Variants in PGCKA1 observed in about 807,000 individuals in gnomAD.
The protein encoded by PGCKA1 is PDCD10 and GCKIII kinases associated 1.
chr4:37,489,615 T>G, the PGCKA1 span, among the ~76,000 whole-genome samples: 2 of 152,208 alleles, frequency 1.3e-5, no homozygotes, highest in Non-Finnish European at 2.9e-5. Flanking sequence ...TGGGTGACTC[T>G]GAGGTATGGT....
At chr4:37,462,957 A>C in the PGCKA1 span, among the ~76,000 whole-genome samples, 1 of 133,762 alleles carries the variant, frequency 7.5e-6, no homozygotes, top group East Asian at 2.2e-4. Context: ...AGCGAGACTC[A>C]GTATCAAAAA....
the PGCKA1 span, among the ~76,000 whole-genome samples, chr4:37,467,364 G>A: frequency 1.3e-5 from 2 of 152,196 alleles, no homozygotes; most frequent in Admixed American, 1.3e-4. Context: ...TGACATTTCT[G>A]TACTCGAGTT....
chr4:37,477,261 G>A, the PGCKA1 span, among the ~76,000 whole-genome samples: 3 of 152,082 alleles, frequency 2.0e-5, no homozygotes, highest in Admixed American at 2.0e-4. Flanking sequence ...AATGAACCTT[G>A]GAAACATCAT....
At chr4:37,468,749 C>CAA in the PGCKA1 span, among the ~76,000 whole-genome samples, 1 of 152,072 alleles carries the variant, frequency 6.6e-6, no homozygotes, top group Non-Finnish European at 1.5e-5. Context: ...TATACCCCCC[C>CAA]ACACACATAT....
chr4:37,564,181 G>C, the PGCKA1 span, among the ~76,000 whole-genome samples: 1 of 151,224 alleles, frequency 6.6e-6, no homozygotes, highest in African/African-American at 2.4e-5. Context: ...GGCTGAGGCA[G>C]GAGAATCACT....
chr4:37,466,826 G>T, the PGCKA1 span, among the ~76,000 whole-genome samples: 1 of 152,180 alleles, frequency 6.6e-6, no homozygotes, highest in Non-Finnish European at 1.5e-5. Context: ...GGCCAAGCAC[G>T]CTGGCTTATA....
chr4:37,555,885 G>A, the PGCKA1 span, among the ~76,000 whole-genome samples: 68 of 152,158 alleles, frequency 4.5e-4, no homozygotes, highest in South Asian at 5.0e-3. Flanking sequence ...ACTCCCTAGG[G>A]TGACTCTTAA....
chr4:37,483,934 T>G, the PGCKA1 span, among the ~76,000 whole-genome samples: 1 of 152,222 alleles, frequency 6.6e-6, no homozygotes, highest in African/African-American at 2.4e-5. Flanking sequence ...ATTTGACTTT[T>G]CTCTGTTTCT....
the PGCKA1 span, among the ~76,000 whole-genome samples, chr4:37,535,302 G>A: frequency 6.6e-6 from 1 of 152,228 alleles, no homozygotes; most frequent in Non-Finnish European, 1.5e-5. Flanking sequence ...CGGGAGGATT[G>A]CTTTAAAGCA....
At chr4:37,526,927 A>T in the PGCKA1 span, among the ~76,000 whole-genome samples, 4 of 152,326 alleles carry the variant, frequency 2.6e-5, no homozygotes, top group African/African-American at 9.6e-5. Flanking sequence ...CCAGAAGAAG[A>T]CATTGTTATC....
At chr4:37,521,633 G>A in the PGCKA1 span, among the ~76,000 whole-genome samples, 1 of 152,158 alleles carries the variant, frequency 6.6e-6, no homozygotes, top group Non-Finnish European at 1.5e-5. Flanking sequence ...AATGATCCAT[G>A]TGCTGGTGAA....
At chr4:37,532,872 G>A in the PGCKA1 span, among the ~76,000 whole-genome samples, 1 of 152,008 alleles carries the variant, frequency 6.6e-6, no homozygotes, top group Admixed American at 6.6e-5. Flanking sequence ...AAGCTTCTAT[G>A]AAATGTCATG....
chr4:37,590,553 T>C, the PGCKA1 span: 1 of 1,614,194 alleles, frequency 6.2e-7, no homozygotes, highest in East Asian at 2.2e-5. Context: ...CCAGAGCTCC[T>C]TCTGAGGCAG....
chr4:37,517,322 G>T, the PGCKA1 span, among the ~76,000 whole-genome samples: 70 of 148,746 alleles, frequency 4.7e-4, no homozygotes, highest in Admixed American at 2.9e-3. Context: ...TATATATAGA[G>T]AGAGAGAGCA....
At chr4:37,504,183 T>C in the PGCKA1 span, among the ~76,000 whole-genome samples, 1 of 152,156 alleles carries the variant, frequency 6.6e-6, no homozygotes, top group African/African-American at 2.4e-5. Context: ...GTTTTCCAAG[T>C]ACCATTCATT....
the PGCKA1 span, among the ~76,000 whole-genome samples, chr4:37,519,887 G>C: frequency 6.6e-6 from 1 of 152,142 alleles, no homozygotes; most frequent in Non-Finnish European, 1.5e-5. Flanking sequence ...TATGATACTA[G>C]CTGTGGGTCT....
chr4:37,551,973 C>T, the PGCKA1 span, among the ~76,000 whole-genome samples: 8 of 152,018 alleles, frequency 5.3e-5, 1 homozygote, highest in Admixed American at 5.2e-4. Context: ...GTGAGAGTCT[C>T]AAAGGGGGGA....
At chr4:37,564,298 AAAAAAC>A in the PGCKA1 span, among the ~76,000 whole-genome samples, 1 of 151,580 alleles carries the variant, frequency 6.6e-6, no homozygotes, top group African/African-American at 2.4e-5. Context: ...AAAGAAAGAA[AAAAAAC>A]CGAATATTCT....
At chr4:37,550,325 A>G in the PGCKA1 span, among the ~76,000 whole-genome samples, 49,420 of 151,896 alleles carry the variant, frequency 0.33, 8,474 homozygotes, top group Middle Eastern at 0.4. Flanking sequence ...AGCAAGGAAT[A>G]GGGTGCAGTT....
Sources: gnomAD v4.1 joint callset for allele counts (sites outside exome capture counted in the v4.1 genomes callset) on GRCh38, gnomAD v4.1.1 for gene constraint, MANE v1.5 for transcripts, NCBI Gene and HGNC (gene_info 2026-07-23, HGNC 2026-07-21) for gene names.